The following NFATC2 variants were observed in gnomAD, a reference collection of about 807,000 sequenced individuals.
NFATC2 encodes the protein nuclear factor of activated T-cells, cytoplasmic 2.
A neutral mutation model predicts 87.3 loss-of-function variants in NFATC2; 22 were observed. The ratio of observed to expected loss-of-function variants is 0.25; its 90% CI spans 0.18 to 0.36. The LOEUF is 0.36. Ranked by LOEUF, NFATC2 falls within the 10% of genes least tolerant of loss-of-function variation. The pLI, the probability that NFATC2 is intolerant of heterozygous loss-of-function variation, is 1.00. For missense variants in NFATC2, 1,149 were observed against 1,259.1 expected (o/e 0.91, Z 1.32); for synonymous variants, 565 against 542.2 (o/e 1.04, Z -0.58).
intron 1 of NFATC2, among the ~76,000 whole-genome samples, chr20:51,526,530 C>G (rs570588900): frequency 6.6e-6 from 1 of 152,336 alleles, no homozygotes; most frequent in East Asian, 1.9e-4. Flanking sequence ...CAGGGCCTGG[C>G]ACTTGCAAGC....
chr20:51,425,415 G>T (rs1981644042), intron 9 of NFATC2, among the ~76,000 whole-genome samples: 1 of 152,186 alleles, frequency 6.6e-6, no homozygotes, highest in Non-Finnish European at 1.5e-5. Flanking sequence ...ACTCAGACCG[G>T]GCTCTCCAGG....
At chr20:51,528,787 T>C (rs1007208496) in intron 1 of NFATC2, among the ~76,000 whole-genome samples, 1 of 152,070 alleles carries the variant, frequency 6.6e-6, no homozygotes, top group African/African-American at 2.4e-5. Flanking sequence ...AAATGAAGAG[T>C]GCAGTCCTGC....
chr20:51,541,214 C>G (rs377261864), intron 1 of NFATC2, among the ~76,000 whole-genome samples: 16 of 152,208 alleles, frequency 1.1e-4, no homozygotes, highest in African/African-American at 3.4e-4. Context: ...GCCTCCTTGA[C>G]AGGCTTCCTC....
chr20:51,467,272 A>G (rs914468134), intron 5 of NFATC2, among the ~76,000 whole-genome samples: 1 of 151,840 alleles, frequency 6.6e-6, no homozygotes, highest in Non-Finnish European at 1.5e-5. Flanking sequence ...AAGAAGATAC[A>G]TAGGCCAGAC....
chr20:51,400,471 T>A (rs545076778), intron 9 of NFATC2, among the ~76,000 whole-genome samples: 1 of 55,674 alleles, frequency 1.8e-5, no homozygotes. Context: ...ATATGGGGGG[T>A]GGGGGGGCAC....
chr20:51,396,060 A>G, intron 10 of NFATC2, among the ~76,000 whole-genome samples: 2 of 14,036 alleles, frequency 1.4e-4, no homozygotes, highest in South Asian at 3.7e-3. Context: ...ATATATATAT[A>G]TATATATATA....
At chr20:51,438,330 A>G (rs1212687972) in intron 6 of NFATC2, among the ~76,000 whole-genome samples, 4 of 151,542 alleles carry the variant, frequency 2.6e-5, no homozygotes, top group African/African-American at 9.7e-5. Context: ...AAATGGCAAC[A>G]TGTTGATGTT....
At chr20:51,497,292 T>G (rs367657917) in intron 3 of NFATC2, among the ~76,000 whole-genome samples, 2 of 152,176 alleles carry the variant, frequency 1.3e-5, no homozygotes, top group Admixed American at 1.3e-4. Context: ...CCAATCATTC[T>G]TCTCCCTCCC....
intron 8 of NFATC2, among the ~76,000 whole-genome samples, chr20:51,434,102 C>A (rs914762551): frequency 1.3e-5 from 2 of 152,220 alleles, no homozygotes; most frequent in African/African-American, 2.4e-5. Context: ...CTGAACCCTG[C>A]CCTGATAGAG....
At chr20:51,458,657 AG>A (rs1986824693) in intron 5 of NFATC2, among the ~76,000 whole-genome samples, 1 of 147,998 alleles carries the variant, frequency 6.8e-6, no homozygotes, top group Non-Finnish European at 1.5e-5. Context: ...AAAAAAAAAA[AG>A]AAATTATCTG....
intron 9 of NFATC2, among the ~76,000 whole-genome samples, chr20:51,421,502 T>C (rs1980910646): frequency 6.6e-6 from 1 of 151,918 alleles, no homozygotes; most frequent in Non-Finnish European, 1.5e-5. Context: ...ACAAAACAAG[T>C]GTGAAGATAA....
chr20:51,507,603 T>C (rs1432272017), intron 3 of NFATC2, among the ~76,000 whole-genome samples: 1 of 152,254 alleles, frequency 6.6e-6, no homozygotes, highest in Non-Finnish European at 1.5e-5. Context: ...GACGTAAGTC[T>C]ACATCACTTT....
intron 1 of NFATC2, among the ~76,000 whole-genome samples, chr20:51,555,293 C>G (rs1456950647): frequency 1.3e-5 from 2 of 152,140 alleles, no homozygotes; most frequent in East Asian, 3.9e-4. Context: ...ACTTCAGACT[C>G]CTTACAAGAT....
In NFATC2 at chr20:51,542,537, G is replaced by C. The variant is rs1292472401; in HGVS notation, c.-38C>G. Reference sequence around the variant, plus strand: ...GGGAAGGCTGCGGGGCCGGGGGCGAGGGCGGGCGCGGCTGGCTCTGGGACC... The same window carrying C: ...GGGAAGGCTGCGGGGCCGGGGGCGACGGCGGGCGCGGCTGGCTCTGGGACC... On this transcript the variant is annotated 5_prime_UTR_variant, in exon 1 of 11. Transcript: ENST00000371564. 1 of 1,349,578 alleles carries C rather than the reference G, an allele frequency of 7.4e-7. No individual in the cohort carries two copies. Among genetic ancestry groups the C allele is most frequent in the Non-Finnish European group, 9.5e-7 (1 of 1,052,460 alleles). 83.6% of individuals were successfully genotyped at this position (1,349,578 alleles called of 1,614,324 possible). A position where few individuals can be genotyped will look rare whatever the true frequency, so the allele number is the denominator to read the frequency against.
intron 6 of NFATC2, among the ~76,000 whole-genome samples, chr20:51,436,894 T>C (rs1983662037): frequency 6.6e-6 from 1 of 152,158 alleles, no homozygotes; most frequent in Non-Finnish European, 1.5e-5. Context: ...GGCTTAAAGA[T>C]GCGGCCCCAA....
upstream of NFATC2, among the ~76,000 whole-genome samples, chr20:51,543,559 G>A (rs774592634): frequency 2.0e-5 from 3 of 152,206 alleles, no homozygotes; most frequent in African/African-American, 7.2e-5. Flanking sequence ...CGAAGGGGCT[G>A]GGTGTGCTGG....
intron 5 of NFATC2, among the ~76,000 whole-genome samples, chr20:51,457,519 A>G (rs369839792): frequency 5.9e-5 from 9 of 152,134 alleles, no homozygotes; most frequent in African/African-American, 1.9e-4. Flanking sequence ...AAAGCCTCAT[A>G]GTCTCAGCAA....
At position 51,391,220 on chromosome 20, in the gene NFATC2, C is replaced by G. The variant is rs1231974614; in HGVS notation, c.*276G>C. 2 of 733,802 alleles carry G rather than the reference C, an allele frequency of 2.7e-6. No individual in the cohort carries two copies. 45.5% of individuals were successfully genotyped at this position (733,802 alleles called of 1,614,324 possible). ...CATAAACCGAAAAGAAGAGTTCTCT[C>G]TGGTGTTTAGAGGGAGGTGGCGAGC... On this transcript the variant is annotated 3_prime_UTR_variant, in exon 11 of 11. Coordinates refer to ENST00000371564, the MANE Select transcript of NFATC2 (RefSeq NM_012340.5).
At chr20:51,460,499 CTGTA>C (rs931831316) in intron 5 of NFATC2, among the ~76,000 whole-genome samples, 1 of 152,002 alleles carries the variant, frequency 6.6e-6, no homozygotes, top group African/African-American at 2.4e-5. Context: ...TTCTGAGAGG[CTGTA>C]TGTGCCAGCC....
Sources: gnomAD v4.1 joint callset for allele counts (sites outside exome capture counted in the v4.1 genomes callset) on GRCh38, gnomAD v4.1.1 for gene constraint, MANE v1.5 for transcripts, NCBI Gene and HGNC (gene_info 2026-07-23, HGNC 2026-07-21) for gene names.